Variants in TRPC1 observed in about 807,000 individuals in gnomAD.
TRPC1 encodes short transient receptor potential channel 1.
A neutral mutation model predicts 88.2 loss-of-function variants in TRPC1; 42 were observed. That is an observed-to-expected ratio of 0.48 (90% CI 0.37 to 0.62). The LOEUF (loss-of-function observed/expected upper bound fraction) is 0.62. Among genes scored for constraint, TRPC1 ranks in the 20% least tolerant of loss-of-function variants. The pLI, the probability that TRPC1 is intolerant of heterozygous loss-of-function variation, is 0.00. For synonymous variants in TRPC1, 288 were observed against 331.8 expected, an observed-to-expected ratio of 0.87 and a Z score of 1.43; for missense variants, 699 against 957.3, an observed-to-expected ratio of 0.73 and a Z score of 3.56.
intron 5 of TRPC1, among the ~76,000 whole-genome samples, chr3:142,779,371 G>T (rs1477833462): frequency 6.6e-6 from 1 of 152,080 alleles, no homozygotes; most frequent in African/African-American, 2.4e-5. Flanking sequence ...TTTGTCTTCA[G>T]TAATCTATTA....
chr3:142,750,170 C>A (rs1934702805), intron 4 of TRPC1, among the ~76,000 whole-genome samples: 1 of 152,062 alleles, frequency 6.6e-6, no homozygotes, highest in African/African-American at 2.4e-5. Context: ...TGCTATCTAT[C>A]CATCTGACAA....
chr3:142,793,046 T>C, intron 9 of TRPC1, 79 bp downstream of exon 9: 1 of 1,216,102 alleles, frequency 8.2e-7, no homozygotes, highest in Non-Finnish European at 1.1e-6. Flanking sequence ...AGTGGAATAC[T>C]GTTCTCTCAT....
intron 2 of TRPC1, among the ~76,000 whole-genome samples, chr3:142,737,402 T>TA (rs147225612): frequency 0.17 from 24,995 of 146,432 alleles, 2,204 homozygotes; most frequent in Middle Eastern, 0.25. Flanking sequence ...ATGTTTGGAG[T>TA]AAAAAAAAAA....
chr3:142,727,083 CA>C (rs1933709604), intron 1 of TRPC1, among the ~76,000 whole-genome samples: 1 of 152,210 alleles, frequency 6.6e-6, no homozygotes, highest in South Asian at 2.1e-4. Flanking sequence ...GAGTGAACAT[CA>C]TTTGTGTCAG....
chr3:142,743,353 T>G, intron 2 of TRPC1, 132 bp from the exon 3 acceptor site: 1 of 622,984 alleles, frequency 1.6e-6, no homozygotes, highest in East Asian at 3.1e-5. Context: ...CAGTCAAAAT[T>G]TTTGAAAAAT....
chr3:142,756,452 C>G (rs1934967791), intron 4 of TRPC1, among the ~76,000 whole-genome samples: 1 of 151,836 alleles, frequency 6.6e-6, no homozygotes, highest in Non-Finnish European at 1.5e-5. Flanking sequence ...CTCCGCCTCC[C>G]GGGTTCACGC....
intron 5 of TRPC1, among the ~76,000 whole-genome samples, chr3:142,780,438 T>C: frequency 1.3e-5 from 2 of 152,344 alleles, no homozygotes; most frequent in East Asian, 3.8e-4. Flanking sequence ...AATGATTGGA[T>C]AGCATTAAGA....
Position 142,758,681 on chromosome 3 carries a change from T to G in TRPC1, c.632+10221T>G, listed in dbSNP as rs187912081. ...TTTGGTTGTCTGTACTTTTTTTTTC[T>G]TTTTTTTCAATTATACTTTAAGTTC... On this transcript the variant is annotated intron_variant, in intron 4 of 12. Coordinates refer to ENST00000476941, the MANE Select transcript of TRPC1 (RefSeq NM_001251845.2). Among the ~76,000 whole-genome samples, 501 of 151,754 alleles carry G rather than the reference T, an allele frequency of 3.3e-3. 11 individuals carry two copies. The highest frequency in any genetic ancestry group is 0.012 in the African/African-American group (487 of 41,472).
intron 1 of TRPC1, among the ~76,000 whole-genome samples, chr3:142,727,993 A>C: frequency 6.6e-6 from 1 of 152,252 alleles, no homozygotes; most frequent in African/African-American, 2.4e-5. Flanking sequence ...AAAAAAAAAA[A>C]ACTTGTTGAG....
rs183226672 is a variant in TRPC1, at chr3:142,728,231, G to A, written c.172+3500G>A. The stretch of plus-strand genomic sequence containing the variant: ...TTAGGGGGAGGGATGGAGAGAGCAG[G>A]TTTTCACCTTTATCAGTGGGCTCAG... On this transcript the variant is annotated intron_variant, in intron 1 of 12. Transcript: ENST00000476941. Among the ~76,000 whole-genome samples, 190 of 152,134 alleles carry A rather than the reference G, an allele frequency of 1.2e-3. 1 individual carries two copies. The Middle Eastern group carries it at 0.014, about 11-fold the overall frequency.
intron 12 of TRPC1, among the ~76,000 whole-genome samples, chr3:142,805,127 TATACACACAC>T (rs1441722803): frequency 0.018 from 2,146 of 120,456 alleles, 39 homozygotes; most frequent in African/African-American, 0.051. Flanking sequence ...CAAATATATA[TATACACACAC>T]ACACACACAC....
intron 12 of TRPC1, among the ~76,000 whole-genome samples, chr3:142,805,778 T>A (rs529317486): frequency 6.6e-6 from 1 of 152,150 alleles, no homozygotes. Context: ...AACTAAGGAT[T>A]CCTAAGACTA....
At chr3:142,799,717 T>C (rs1423773158) in intron 9 of TRPC1, among the ~76,000 whole-genome samples, 1 of 152,042 alleles carries the variant, frequency 6.6e-6, no homozygotes, top group African/African-American at 2.4e-5. Flanking sequence ...GGAGGACTGC[T>C]GAAGCCTAGG....
At chr3:142,784,659 C>T in intron 6 of TRPC1, 45 bp from the exon 7 acceptor site, 1 of 1,447,082 alleles carries the variant, frequency 6.9e-7, no homozygotes, top group Non-Finnish European at 9.4e-7. Context: ...TTAAAGGTTT[C>T]CTTTTACTTT....
chr3:142,753,817 G>A (rs1310219377), intron 4 of TRPC1, among the ~76,000 whole-genome samples: 1 of 151,984 alleles, frequency 6.6e-6, no homozygotes, highest in Non-Finnish European at 1.5e-5. Context: ...TGAGATGGCT[G>A]GACATGGTGG....
rs892990722 is a variant in TRPC1 at position 142,792,171 on chromosome 3, T to C, written c.1438-653T>C. ...AAAATGAAAATTGGTCATATATAGA[T>C]AAATGGTTTGATAAAGGGATTGAGA... is the stretch of plus-strand genomic sequence containing the variant. On this transcript the variant is annotated intron_variant, in intron 8 of 12. Coordinates refer to ENST00000476941, the MANE Select transcript of TRPC1 (RefSeq NM_001251845.2). This position sits in a 1 kb window ranked among gnomAD's most constrained non-coding sequence, Gnocchi z 4.0. 2.0e-5 allele frequency among the ~76,000 whole-genome samples: 3 copies of C among 152,060 alleles called. No individual in the cohort carries two copies. Among genetic ancestry groups the C allele is most frequent in the African/African-American group, 4.8e-5 (2 of 41,418 alleles).
chr3:142,793,220 A>G (rs1307602667), intron 9 of TRPC1, among the ~76,000 whole-genome samples: 6 of 152,046 alleles, frequency 3.9e-5, no homozygotes, highest in Admixed American at 3.3e-4. Flanking sequence ...ATAGACATAG[A>G]TATGTTTAAA....
chr3:142,753,202 T>C (rs1222620829), intron 4 of TRPC1, among the ~76,000 whole-genome samples: 1 of 152,142 alleles, frequency 6.6e-6, no homozygotes, highest in African/African-American at 2.4e-5. Flanking sequence ...GGGACAAACT[T>C]GTTTGAAGGC....
Position 142,768,331 on chromosome 3 carries a change from AT to A in TRPC1, c.633-9297del, listed in dbSNP as rs34637945. 4.6e-5 allele frequency among the ~76,000 whole-genome samples: 7 copies of A among 151,836 alleles called. 1 individual carries two copies. The highest frequency in any genetic ancestry group is 4.6e-4 in the Admixed American group (7 of 15,238). On this transcript the variant is annotated intron_variant, in intron 4 of 12. Coordinates refer to ENST00000476941, the MANE Select transcript of TRPC1 (RefSeq NM_001251845.2). ...TTCTGTGTCAGTTTTTGCTTTGTAT[AT>A]TTTCAGGCTCTGTTGTTAGGTGCAT...
Sources: allele counts gnomAD v4.1 joint callset (sites outside exome capture counted in the v4.1 genomes callset), GRCh38; gene constraint gnomAD v4.1.1; non-coding constraint Gnocchi (gnomAD v3.1); transcripts MANE v1.5; gene names NCBI Gene and HGNC (gene_info 2026-07-23, HGNC 2026-07-21).